The following SCN8A variants were observed in gnomAD, a reference collection of about 807,000 sequenced individuals.
SCN8A encodes the protein sodium voltage-gated channel alpha subunit 8.
SCN8A carries 30 observed loss-of-function variants against 184.1 expected under a neutral mutation model. The ratio of observed to expected loss-of-function variants is 0.16; its 90% CI spans 0.12 to 0.22. The LOEUF is 0.22. Among genes scored for constraint, SCN8A ranks in the 10% least tolerant of loss-of-function variants. SCN8A has a pLI of 1.00. For synonymous variants in SCN8A, 852 were observed against 907.0 expected, an observed-to-expected ratio of 0.94 and a Z score of 1.09; for missense variants, 1,057 against 2,498.9, an observed-to-expected ratio of 0.42 and a Z score of 12.30.
rs71092711 is a variant in SCN8A at position 51,629,582 on chromosome 12, CAAAAA to C, written c.-54-33163_-54-33159del. On this transcript the variant is annotated intron_variant, in intron 1 of 26. Transcript: ENST00000627620. ...GCAAGTGAATTCTGCATCAGTTTTGCAAAAAAAAAAAAAAAAAAAAAAAGTGAAAA... is the reference window on the plus strand; with the variant it reads ...GCAAGTGAATTCTGCATCAGTTTTGCAAAAAAAAAAAAAAAAAAGTGAAAA... Among the ~76,000 whole-genome samples, 35 of 129,540 alleles carry C rather than the reference CAAAAA, an allele frequency of 2.7e-4. 1 individual carries two copies. The South Asian group carries it at 5.3e-3, about 20-fold the overall frequency. The allele number at this position is 129,540 out of a possible 152,430, so 85.0% of individuals were successfully genotyped here.
rs200071757 is a variant in SCN8A at position 51,713,618 on chromosome 12, GTTC to G, written c.1635+6909_1635+6911del. 1,415 of 635,624 alleles carry G rather than the reference GTTC, an allele frequency of 2.2e-3. 13 individuals are homozygous for G. In the African/African-American group the frequency reaches 0.024, roughly 11 times the overall value. The allele number at this position is 635,624 out of a possible 1,614,324, so 39.4% of individuals were successfully genotyped here. A position where few individuals can be genotyped will look rare whatever the true frequency, so the allele number is the denominator to read the frequency against. ...GGTTTTACCTCCATTTTGAGCCTGA[GTTC>G]TTCTTGAGACATCTCCTGCTCACTC... On this transcript the variant is annotated intron_variant, in intron 11 of 26. Transcript: ENST00000627620.
chr12:51,691,951 G>T (rs1941516655), intron 6 of SCN8A, among the ~76,000 whole-genome samples: 1 of 152,202 alleles, frequency 6.6e-6, no homozygotes, highest in Non-Finnish European at 1.5e-5. Context: ...CAAGGCGGGA[G>T]CACCAGTGTA....
intron 1 of SCN8A, among the ~76,000 whole-genome samples, chr12:51,617,511 A>G (rs1364360731): frequency 6.6e-6 from 1 of 152,136 alleles, no homozygotes; most frequent in East Asian, 1.9e-4. Flanking sequence ...CATTTATTTC[A>G]AGACTGTTTG....
chr12:51,694,073 C>T (rs2138725488), intron 6 of SCN8A, among the ~76,000 whole-genome samples: 1 of 152,268 alleles, frequency 6.6e-6, no homozygotes, highest in Admixed American at 6.5e-5. Flanking sequence ...GCTAGGATTA[C>T]AAGCATGCGC....
intron 1 of SCN8A, among the ~76,000 whole-genome samples, chr12:51,617,202 A>T (rs539185504): frequency 7.2e-5 from 11 of 152,200 alleles, no homozygotes; most frequent in Middle Eastern, 3.4e-3. Context: ...TGTGCACTAT[A>T]CTTTCTCCTT....
intron 26 of SCN8A, among the ~76,000 whole-genome samples, chr12:51,802,615 A>G (rs1938588189): frequency 6.6e-6 from 1 of 152,192 alleles, no homozygotes; most frequent in South Asian, 2.1e-4. Flanking sequence ...GAGGCTCAGT[A>G]TGTGCTCTGG....
chr12:51,794,690 T>A lies in SCN8A; in HGVS notation c.4795+49T>A, dbSNP rs74093917. 8,076 of 1,562,904 alleles carry A rather than the reference T, an allele frequency of 5.2e-3. 328 individuals are homozygous for A. In the African/African-American group the frequency reaches 0.09, roughly 18 times the overall value. ...CGAGGGGAAAGGGGACCTGACTGAT[T>A]GTGAGGATGAGATTTCCCAGGAGAG... On this transcript the variant is annotated intron_variant, in intron 26 of 26. Coordinates refer to ENST00000627620, the MANE Select transcript of SCN8A (RefSeq NM_001330260.2).
chr12:51,716,415 A>G (rs916769039), intron 11 of SCN8A, among the ~76,000 whole-genome samples: 3 of 152,178 alleles, frequency 2.0e-5, no homozygotes, highest in Admixed American at 2.0e-4. Context: ...GTGCTATGGA[A>G]AGATTAAGGA....
chr12:51,603,491 C>A (rs1195840599), intron 1 of SCN8A, among the ~76,000 whole-genome samples: 3 of 152,214 alleles, frequency 2.0e-5, no homozygotes. Flanking sequence ...AGTACTTCTG[C>A]AAACATTCAT....
At chr12:51,717,528 G>A (rs1235060732) in intron 11 of SCN8A, among the ~76,000 whole-genome samples, 1 of 152,160 alleles carries the variant, frequency 6.6e-6, no homozygotes, top group African/African-American at 2.4e-5. Context: ...GAATCACACC[G>A]AGCAGAGCTG....
At chr12:51,686,131 C>T (rs146920247) in intron 3 of SCN8A, among the ~76,000 whole-genome samples, 472 of 152,262 alleles carry the variant, frequency 3.1e-3, no homozygotes, top group South Asian at 6.4e-3. Context: ...AGAACAGTGA[C>T]GGCCCTTTTG....
At chr12:51,799,533 G>A (rs1938499009) in intron 26 of SCN8A, among the ~76,000 whole-genome samples, 2 of 152,126 alleles carry the variant, frequency 1.3e-5, no homozygotes, top group Non-Finnish European at 2.9e-5. Flanking sequence ...TCACCTATGG[G>A]GGCCTACCAA....
chr12:51,699,312 T>A (rs557701299), intron 6 of SCN8A, among the ~76,000 whole-genome samples: 2 of 152,346 alleles, frequency 1.3e-5, no homozygotes, highest in East Asian at 3.9e-4. Context: ...TGGGAAAGTG[T>A]TCCCAGGAAG....
In SCN8A at chr12:51,706,490, AG is replaced by A; in HGVS notation, c.1415del (p.Gly472AlafsTer53). 1 of 1,606,554 alleles carries A rather than the reference AG, an allele frequency of 6.2e-7. No individual in the cohort carries two copies. The highest frequency in any genetic ancestry group is 8.5e-7 in the Non-Finnish European group (1 of 1,176,488). On this transcript the variant is annotated frameshift_variant, in exon 11 of 27. Coordinates refer to ENST00000627620, the MANE Select transcript of SCN8A (RefSeq NM_001330260.2). LOFTEE classifies it high-confidence loss of function. ...CCATAGAGGAAGAAGGTGAAGAAGG[AG>A]GGGGCTCCCCTCGGAGCTCTTCTGA... ...DAIEEEGEEG[G>X]GSPRSSSEIS...
chr12:51,778,796 A>C (rs1452676736), intron 20 of SCN8A, among the ~76,000 whole-genome samples: 1 of 152,142 alleles, frequency 6.6e-6, no homozygotes, highest in Non-Finnish European at 1.5e-5. Flanking sequence ...TCCTCTCTAA[A>C]TTTTCTTTAA....
intron 6 of SCN8A, 188 bp downstream of exon 6, chr12:51,689,284 G>A: frequency 1.7e-6 from 1 of 586,600 alleles, no homozygotes; most frequent in Non-Finnish European, 3.0e-6. Flanking sequence ...TGCTTGCCAG[G>A]CATGCAGCCC....
intron 1 of SCN8A, among the ~76,000 whole-genome samples, chr12:51,629,963 T>A (rs1236853529): frequency 1.3e-5 from 2 of 152,208 alleles, no homozygotes; most frequent in East Asian, 3.8e-4. Context: ...GCCTGTGCAA[T>A]TCTATGGTGG....
In SCN8A at chr12:51,769,264, G is replaced by A. The variant is rs1020976181; in HGVS notation, c.3301G>A (p.Gly1101Ser). Residue 1101 changes from glycine (G) to serine (S), a missense_variant, in exon 17 of 27, where the codon GGC becomes AGC. Physicochemically the swap from Gly to Ser is moderately conservative, Grantham distance 56 (BLOSUM62 0). Around this residue, in one of 19 missense-constraint regions of SCN8A, gnomAD observed 178 missense variants for 259.6 expected, o/e 0.69. Transcript: ENST00000627620. Reference protein sequence around the residue: ...NLTVRVPIAVGESDFENLNTE... With the variant: ...NLTVRVPIAVSESDFENLNTE... ...GACTGTACGGGTACCCATTGCTGTG[G>A]GCGAGTCTGACTTTGAGAACCTCAA... 2 of 1,611,296 alleles carry A rather than the reference G, an allele frequency of 1.2e-6. No individual in the cohort carries two copies. The highest frequency in any genetic ancestry group is 2.7e-5 in the African/African-American group (2 of 74,866).
chr12:51,593,134 A>G (rs1939267649), intron 1 of SCN8A, among the ~76,000 whole-genome samples: 2 of 152,212 alleles, frequency 1.3e-5, no homozygotes, highest in Non-Finnish European at 1.5e-5. Context: ...ATGACCCATA[A>G]GGCCTTCATT....
Sources: gnomAD v4.1 joint callset for allele counts (sites outside exome capture counted in the v4.1 genomes callset) on GRCh38, gnomAD v4.1.1 for gene constraint, gnomAD v4.1.1 regional missense constraint, MANE v1.5 for transcripts, NCBI Gene and HGNC (gene_info 2026-07-23, HGNC 2026-07-21) for gene names.